The following PFKFB3 variants were observed in gnomAD, a reference collection of about 807,000 sequenced individuals.
PFKFB3 encodes 6-phosphofructo-2-kinase/fructose-2,6-biphosphatase 3, also known as 6-phosphofructo-2-kinase/fructose-2,6-bisphosphatase 3.
Under a neutral mutation model 68.0 loss-of-function variants are expected in PFKFB3, and 33 were observed. That is an observed-to-expected ratio of 0.49 (90% CI 0.37 to 0.65). The LOEUF is 0.65. PFKFB3 is among the 30% of genes least tolerant of loss of function. PFKFB3 has a pLI of 0.00. For synonymous variants in PFKFB3, 315 were observed against 288.2 expected, an observed-to-expected ratio of 1.09 and a Z score of -0.94; for missense variants, 586 against 712.2, an observed-to-expected ratio of 0.82 and a Z score of 2.02.
rs1844552664 is a variant in PFKFB3 at position 6,215,979 on chromosome 10, AG to A, written c.300-142del. 8 of 791,922 alleles carry A rather than the reference AG, an allele frequency of 1.0e-5. No individual in the cohort carries two copies. The highest frequency in any genetic ancestry group is 1.5e-5 in the South Asian group (1 of 66,046). The allele number at this position is 791,922 out of a possible 1,614,324, so 49.1% of individuals were successfully genotyped here. A position where few individuals can be genotyped will look rare whatever the true frequency, so the allele number is the denominator to read the frequency against. On this transcript the variant is annotated intron_variant, in intron 3 of 14. Transcript: ENST00000379775. The surrounding 1 kb of genome is among the most constrained non-coding windows in gnomAD (Gnocchi z 4.3). Reference sequence around the variant, plus strand: ...CCCAGGTTGGAAGCCTCTGGGCCTGAGGGGTGCTGGCCAGCCTGCCCAGCGC... The same window carrying A: ...CCCAGGTTGGAAGCCTCTGGGCCTGAGGGTGCTGGCCAGCCTGCCCAGCGC...
At position 6,226,368 on chromosome 10, in the gene PFKFB3, C is replaced by G. The variant is rs754918113; in HGVS notation, c.1515+3C>G. ...TGCCCACGCAGCTGCCTGGACAAGT[C>G]AGTGCACTCCCCTTTCCTTCCTGCC... On this transcript the variant is annotated splice_donor_region_variant and intron_variant, in intron 14 of 14. Transcript: ENST00000379775. The G allele has an allele frequency of 6.2e-7, 1 of 1,603,808 alleles. No homozygotes were observed. Among genetic ancestry groups the G allele is most frequent in the Non-Finnish European group, 8.5e-7 (1 of 1,176,030 alleles).
At chr10:6,232,253 G>T (rs551730602) in intron 14 of PFKFB3, among the ~76,000 whole-genome samples, 4 of 150,676 alleles carry the variant, frequency 2.7e-5, no homozygotes, top group African/African-American at 2.4e-5. Flanking sequence ...TTTGCGGGGG[G>T]TGGGTGGCGG....
chr10:6,171,053 C>T lies in PFKFB3; in HGVS notation c.16+26040C>T, dbSNP rs534741828. 9.9e-5 allele frequency among the ~76,000 whole-genome samples: 15 copies of T among 151,986 alleles called. 1 individual carries two copies. The South Asian group carries it at 1.0e-3, about 11-fold the overall frequency. On this transcript the variant is annotated intron_variant, in intron 1 of 14. Coordinates refer to the PFKFB3 transcript ENST00000379789. The stretch of plus-strand genomic sequence containing the variant: ...TTATTATTATTATTTTTTTATGAGA[C>T]GGAGTTTCGCTCTTGTTGCCCAGGC...
At chr10:6,159,641 G>A (rs112606276) in intron 1 of PFKFB3, among the ~76,000 whole-genome samples, 19,271 of 149,170 alleles carry the variant, frequency 0.13, 1,528 homozygotes, top group Non-Finnish European at 0.18. Context: ...GCGGTGAGCC[G>A]AGATTACACC....
At chr10:6,285,892 T>C in the PFKFB3 span, among the ~76,000 whole-genome samples, 4 of 152,204 alleles carry the variant, frequency 2.6e-5, no homozygotes, top group Admixed American at 6.5e-5. Context: ...AATTTTCTTC[T>C]TTTTTAAGAC....
chr10:6,275,882 A>G, the PFKFB3 span, among the ~76,000 whole-genome samples: 4 of 152,080 alleles, frequency 2.6e-5, no homozygotes, highest in African/African-American at 9.7e-5. This position sits in a 1 kb window ranked among gnomAD's most constrained non-coding sequence, Gnocchi z 4.9. Context: ...CGCAGGGGTT[A>G]TGCTTTCTCC....
chr10:6,144,959 G>T, exon 1 of PFKFB3: 1 of 1,271,954 alleles, frequency 7.9e-7, no homozygotes, highest in South Asian at 2.6e-5. Flanking sequence ...TCCTGTCTGG[G>T]TGTCGCGGGC....
chr10:6,208,371 CTTTTTTTTTTTT>C (rs35447462), intron 1 of PFKFB3, among the ~76,000 whole-genome samples: 2 of 60,624 alleles, frequency 3.3e-5, no homozygotes, highest in Non-Finnish European at 5.8e-5. Context: ...GGTACCTGGC[CTTTTTTTTTTTT>C]TTTTTTTTTT....
intron 1 of PFKFB3, among the ~76,000 whole-genome samples, chr10:6,180,969 CAG>C (rs917552992): frequency 8.5e-5 from 13 of 152,092 alleles, no homozygotes; most frequent in African/African-American, 3.1e-4. Flanking sequence ...GGAAGTGAAA[CAG>C]AGACTAGAAC....
intron 1 of PFKFB3, among the ~76,000 whole-genome samples, chr10:6,187,308 C>A (rs1284381617): frequency 6.6e-6 from 1 of 152,038 alleles, no homozygotes; most frequent in Middle Eastern, 3.2e-3. Context: ...TTGCAGTGAG[C>A]TGAGATTGCA....
intron 1 of PFKFB3, among the ~76,000 whole-genome samples, chr10:6,212,808 C>T (rs796847376): frequency 6.6e-6 from 1 of 152,152 alleles, no homozygotes; most frequent in Non-Finnish European, 1.5e-5. Flanking sequence ...CTGTAAACTC[C>T]TACTTTTAAA....
At position 6,228,773 on chromosome 10, in the gene PFKFB3, C is replaced by T. The variant is rs576666739; in HGVS notation, c.1515+2408C>T. ...ACCCCAAAAGAGCTCCGAGTGGAGACCCTTGGGGATCCGTTTGTCCTGGGT... is the reference window on the plus strand; with the variant it reads ...ACCCCAAAAGAGCTCCGAGTGGAGATCCTTGGGGATCCGTTTGTCCTGGGT... On this transcript the variant is annotated intron_variant, in intron 14 of 14. Transcript: ENST00000379775. This position sits in a 1 kb window ranked among gnomAD's most constrained non-coding sequence, Gnocchi z 4.5. 7.2e-5 allele frequency among the ~76,000 whole-genome samples: 11 copies of T among 152,320 alleles called. No individual in the cohort carries two copies. The highest frequency in any genetic ancestry group is 1.5e-4 in the Non-Finnish European group (10 of 68,028).
At chr10:6,163,007 A>C (rs1842011275) in intron 1 of PFKFB3, among the ~76,000 whole-genome samples, 1 of 152,230 alleles carries the variant, frequency 6.6e-6, no homozygotes, top group Non-Finnish European at 1.5e-5. Context: ...CCAGTCCAGC[A>C]GCACAGAGTT....
the PFKFB3 span, among the ~76,000 whole-genome samples, chr10:6,276,540 G>A: frequency 6.6e-6 from 1 of 152,070 alleles, no homozygotes; most frequent in African/African-American, 2.4e-5. Flanking sequence ...TCCAATTTGG[G>A]GTCGGCCAAG....
At chr10:6,192,520 C>A (rs1843057160) in intron 1 of PFKFB3, among the ~76,000 whole-genome samples, 1 of 152,196 alleles carries the variant, frequency 6.6e-6, no homozygotes, top group Non-Finnish European at 1.5e-5. Context: ...ACACTGCAGT[C>A]ATGGGCCGGC....
At chr10:6,324,058 C>T in the PFKFB3 span, among the ~76,000 whole-genome samples, 1 of 152,270 alleles carries the variant, frequency 6.6e-6, no homozygotes, top group South Asian at 2.1e-4. Flanking sequence ...TGGAAACAAC[C>T]CAGTGTCCAT....
chr10:6,298,556 G>A, the PFKFB3 span, among the ~76,000 whole-genome samples: 2 of 151,928 alleles, frequency 1.3e-5, no homozygotes, highest in Admixed American at 1.3e-4. Context: ...TTCAGAGATG[G>A]GGTCTTGCTA....
intron 1 of PFKFB3, among the ~76,000 whole-genome samples, chr10:6,193,283 C>G (rs1843082483): frequency 6.6e-6 from 1 of 152,164 alleles, no homozygotes; most frequent in Admixed American, 6.5e-5. Context: ...CCCAGAAACT[C>G]TAGGCTGCAC....
At chr10:6,194,661 C>G (rs1031287847) in intron 1 of PFKFB3, among the ~76,000 whole-genome samples, 1 of 152,178 alleles carries the variant, frequency 6.6e-6, no homozygotes. Flanking sequence ...AGCCAGAGGT[C>G]TAAGCTGAGG....
Sources: allele counts gnomAD v4.1 joint callset (sites outside exome capture counted in the v4.1 genomes callset), GRCh38; gene constraint gnomAD v4.1.1; non-coding constraint Gnocchi (gnomAD v3.1); transcripts MANE v1.5; gene names NCBI Gene and HGNC (gene_info 2026-07-23, HGNC 2026-07-21).